Variants in CTNNA3 observed in about 807,000 individuals in gnomAD.
CTNNA3 encodes the protein catenin alpha 3.
In CTNNA3, 76 loss-of-function variants were observed where a neutral mutation model predicts 95.7. The observed-to-expected ratio is 0.79, with a 90% CI of 0.66 to 0.96. CTNNA3 has a LOEUF of 0.96. CTNNA3 is among the 40% of genes least tolerant of loss of function. The pLI, the probability that CTNNA3 is intolerant of heterozygous loss-of-function variation, is 0.00. For missense variants in CTNNA3, 1,191 were observed against 1,089.8 expected (o/e 1.09, Z -1.31); for synonymous variants, 431 against 374.4 (o/e 1.15, Z -1.74).
At chr10:66,567,894 C>A (rs1842761301) in intron 10 of CTNNA3, among the ~76,000 whole-genome samples, 1 of 152,172 alleles carries the variant, frequency 6.6e-6, no homozygotes, top group African/African-American at 2.4e-5. Flanking sequence ...TAATAAACTT[C>A]ATTTGCTCTT....
intron 7 of CTNNA3, among the ~76,000 whole-genome samples, chr10:66,877,339 G>T (rs1436178124): frequency 6.6e-6 from 1 of 152,160 alleles, no homozygotes; most frequent in African/African-American, 2.4e-5. Context: ...GAAGACCTAG[G>T]AAGCATCTCT....
chr10:67,014,781 C>A (rs1393895882), intron 7 of CTNNA3, among the ~76,000 whole-genome samples: 1 of 151,836 alleles, frequency 6.6e-6, no homozygotes, highest in Non-Finnish European at 1.5e-5. Flanking sequence ...AGAAAAAAAA[C>A]AGCCATCTCT....
intron 7 of CTNNA3, among the ~76,000 whole-genome samples, chr10:67,136,304 T>C (rs1860306394): frequency 6.6e-6 from 1 of 152,096 alleles, no homozygotes; most frequent in African/African-American, 2.4e-5. Flanking sequence ...ATGTGTGTGC[T>C]TCCAAAGCTA....
At chr10:66,102,549 G>A (rs2081680380) in intron 14 of CTNNA3, among the ~76,000 whole-genome samples, 1 of 152,192 alleles carries the variant, frequency 6.6e-6, no homozygotes, top group South Asian at 2.1e-4. Context: ...TCCAAGGTTT[G>A]TTGTCTGGTC....
intron 5 of CTNNA3, among the ~76,000 whole-genome samples, chr10:67,406,323 T>G (rs905462094): frequency 2.0e-5 from 3 of 152,178 alleles, no homozygotes; most frequent in Non-Finnish European, 4.4e-5. Flanking sequence ...AACCTGTTCC[T>G]GAACAACTGT....
chr10:67,176,910 C>T (rs573445821), intron 7 of CTNNA3: 3 of 500,460 alleles, frequency 6.0e-6, no homozygotes, highest in Admixed American at 4.1e-5. Context: ...CCTAGAGACT[C>T]CAGAAAATAA....
chr10:67,595,473 T>C (rs1842910555), intron 3 of CTNNA3, among the ~76,000 whole-genome samples: 1 of 152,224 alleles, frequency 6.6e-6, no homozygotes, highest in Non-Finnish European at 1.5e-5. Flanking sequence ...TTTATTTCTA[T>C]TTTTATTGCA....
intron 13 of CTNNA3, among the ~76,000 whole-genome samples, chr10:66,159,626 G>GC (rs368754785): frequency 8.7e-6 from 1 of 114,934 alleles, no homozygotes; most frequent in Non-Finnish European, 1.8e-5. Flanking sequence ...TTTGTTTTCT[G>GC]TTTTTTTTTT....
At position 66,607,197 on chromosome 10, in the gene CTNNA3, C is replaced by A. The variant is rs141255238; in HGVS notation, c.1374+14495G>T. Among the ~76,000 whole-genome samples, 438 of 151,984 alleles carry A rather than the reference C, an allele frequency of 2.9e-3. 3 individuals are homozygous for A. The highest frequency in any genetic ancestry group is 0.01 in the African/African-American group (417 of 41,476). On this transcript the variant is annotated intron_variant, in intron 10 of 17. Coordinates refer to ENST00000433211, the MANE Select transcript of CTNNA3 (RefSeq NM_013266.4). ...AAATATAAAAGATGTGGATAAATTC[C>A]TGGACACAGACACCCTGCCAAGACA...
intron 15 of CTNNA3, among the ~76,000 whole-genome samples, chr10:65,995,292 T>G (rs949478557): frequency 6.6e-6 from 1 of 152,242 alleles, no homozygotes; most frequent in African/African-American, 2.4e-5. Flanking sequence ...CTTTATTTTT[T>G]TGGATTGTCT....
rs566380602 is a variant in CTNNA3, at chr10:67,256,300, T to C, written c.580-36430A>G. On this transcript the variant is annotated intron_variant, in intron 5 of 17. Coordinates refer to ENST00000433211, the MANE Select transcript of CTNNA3 (RefSeq NM_013266.4). ...CTTGCTCTTGATGCTAGTGAAGCAA[T>C]GTCTTATTATCTTGATTGTATACCA... is the stretch of plus-strand genomic sequence containing the variant. 2.6e-5 allele frequency among the ~76,000 whole-genome samples: 4 copies of C among 152,312 alleles called. No homozygotes were observed. In the East Asian group the frequency reaches 7.7e-4, roughly 29 times the overall value.
intron 14 of CTNNA3, among the ~76,000 whole-genome samples, chr10:66,091,485 C>T (rs10822712): frequency 0.23 from 35,569 of 151,556 alleles, 4,315 homozygotes; most frequent in South Asian, 0.36. Flanking sequence ...ATTTAAAGCA[C>T]ATTTACTAGC....
rs551013846 is a variant in CTNNA3 at position 67,225,640 on chromosome 10, G to A, written c.580-5770C>T. ...AGAGAGACAACAGTCATTGCAGTTC[G>A]GCTCACAGGAAGCCACACCCATAGG... On this transcript the variant is annotated intron_variant, in intron 5 of 17. Transcript: ENST00000433211. Among the ~76,000 whole-genome samples the A allele has an allele frequency of 3.3e-4, 50 of 152,212 alleles. 1 individual carries two copies. Among genetic ancestry groups the A allele is most frequent in the Admixed American group, 3.1e-3 (47 of 15,286 alleles).
At chr10:67,502,279 G>A (rs1319896660) in intron 5 of CTNNA3, among the ~76,000 whole-genome samples, 1 of 152,158 alleles carries the variant, frequency 6.6e-6, no homozygotes, top group Non-Finnish European at 1.5e-5. Context: ...GACCCTGTTT[G>A]CCTGGGAATC....
chr10:67,615,510 T>G (rs904029051), intron 2 of CTNNA3, among the ~76,000 whole-genome samples: 1 of 152,126 alleles, frequency 6.6e-6, no homozygotes, highest in African/African-American at 2.4e-5. Flanking sequence ...AACAAACGAG[T>G]TTGGACTTTA....
intron 1 of CTNNA3, among the ~76,000 whole-genome samples, chr10:67,722,063 T>C (rs1429661556): frequency 6.6e-6 from 1 of 152,186 alleles, no homozygotes; most frequent in Non-Finnish European, 1.5e-5. Context: ...GAGCAGTTCC[T>C]ATTCAGCCAT....
chr10:66,795,883 T>G (rs1239577012), intron 7 of CTNNA3, among the ~76,000 whole-genome samples: 1 of 152,148 alleles, frequency 6.6e-6, no homozygotes, highest in Non-Finnish European at 1.5e-5. Context: ...TGAACCAACT[T>G]TTGCTACCTT....
intron 16 of CTNNA3, among the ~76,000 whole-genome samples, chr10:65,977,896 C>T (rs917402178): frequency 6.6e-6 from 1 of 152,110 alleles, no homozygotes; most frequent in African/African-American, 2.4e-5. Context: ...TACTAGGTGT[C>T]ACTGTGAATT....
chr10:67,486,583 A>G (rs1217920766), intron 5 of CTNNA3, among the ~76,000 whole-genome samples: 1 of 152,050 alleles, frequency 6.6e-6, no homozygotes, highest in Non-Finnish European at 1.5e-5. Flanking sequence ...TCATTCATAG[A>G]ATGAGAAAAA....
Sources: allele counts gnomAD v4.1 joint callset (sites outside exome capture counted in the v4.1 genomes callset), GRCh38; gene constraint gnomAD v4.1.1; transcripts MANE v1.5; gene names NCBI Gene and HGNC (gene_info 2026-07-23, HGNC 2026-07-21).